The following CTSK variants were observed in gnomAD, a reference collection of about 807,000 sequenced individuals.
CTSK encodes cathepsin K, also known as cathepsin O.
In CTSK, 26 loss-of-function variants were observed where a neutral mutation model predicts 40.5. That is an observed-to-expected ratio of 0.64 (90% confidence interval 0.47 to 0.89). The LOEUF (loss-of-function observed/expected upper bound fraction) is 0.89, where lower values mean the gene tolerates loss of function less well. CTSK is among the 40% of genes least tolerant of loss of function. CTSK has a pLI of 0.00. For missense variants in CTSK, 292 were observed against 400.1 expected, an observed-to-expected ratio of 0.73 and a Z score of 2.30; for synonymous variants, 132 against 143.2, an observed-to-expected ratio of 0.92 and a Z score of 0.56.
intron 5 of CTSK, among the ~76,000 whole-genome samples, chr1:150,801,954 G>A (rs1382705661): frequency 4.6e-5 from 7 of 151,944 alleles, no homozygotes; most frequent in Admixed American, 2.6e-4. Flanking sequence ...TTTAAGAATC[G>A]CTAAGAAAGA....
chr1:150,806,237 T>C lies in CTSK; in HGVS notation c.121-13A>G. 1 of 1,613,668 alleles carries C rather than the reference T, an allele frequency of 6.2e-7. No homozygotes were observed. Among genetic ancestry groups the C allele is most frequent in the East Asian group, 2.2e-5 (1 of 44,896 alleles). On this transcript the variant is annotated splice_polypyrimidine_tract_variant and intron_variant, in intron 2 of 7. Transcript: ENST00000271651. ...AGATTTCATCCACCTAAACAAAGCA[T>C]AGTCAGTACTTGTATAGACTGTCTA... is the stretch of plus-strand genomic sequence containing the variant.
chr1:150,804,732 G>A (rs1277302405), intron 4 of CTSK, among the ~76,000 whole-genome samples: 1 of 152,072 alleles, frequency 6.6e-6, no homozygotes, highest in Non-Finnish European at 1.5e-5. Flanking sequence ...ATTTCCTGAG[G>A]ACACAGGTTG....
chr1:150,807,105 C>G (rs1298835495), intron 1 of CTSK: 1 of 448,068 alleles, frequency 2.2e-6, no homozygotes, highest in African/African-American at 2.0e-5. Flanking sequence ...CACACACACA[C>G]ACACACACAC....
Position 150,796,666 on chromosome 1 carries a change from G to T in CTSK, c.*133C>A, listed in dbSNP as rs1653881543. ...ATCATTTGAAGCACAAACAAATGGG[G>T]AAACTGAACAGACAATCTCAGTATC... On this transcript the variant is annotated 3_prime_UTR_variant, in exon 8 of 8. Transcript: ENST00000271651. 1.3e-6 allele frequency: 1 copy of T among 792,098 alleles called. No homozygotes were observed. The highest frequency in any genetic ancestry group is 1.7e-5 in the African/African-American group (1 of 59,432). The allele number at this position is 792,098 out of a possible 1,614,324, so 49.1% of individuals were successfully genotyped here. A position where few individuals can be genotyped will look rare whatever the true frequency, so the allele number is the denominator to read the frequency against.
chr1:150,797,619 G>A (rs995620087), intron 7 of CTSK, among the ~76,000 whole-genome samples: 4 of 152,070 alleles, frequency 2.6e-5, no homozygotes, highest in African/African-American at 9.7e-5. Context: ...AGGAGAGATT[G>A]TCTGTTTATC....
At chr1:150,799,309 A>G in intron 6 of CTSK, 36 bp from the exon 7 acceptor site, 6 of 1,479,924 alleles carry the variant, frequency 4.1e-6, no homozygotes, top group Non-Finnish European at 5.7e-6. Context: ...GCTCTATGCA[A>G]TCCAAGGGTC....
In CTSK at chr1:150,799,272, A is replaced by C; in HGVS notation, c.786T>G (p.Gly262=). ...TATTGCAGCTTTCATCATAATACAC[A>C]CCTAGAATACAAACTACCAGCGTGA... ...SLTSFQFYSK[G]VYYDESCNSD... is the part of the protein sequence containing the mutation. The change falls in exon 7 of 8, where the codon GGT becomes GGG. Residue 262 remains glycine, a splice_region_variant and synonymous_variant. Coordinates refer to ENST00000271651, the MANE Select transcript of CTSK (RefSeq NM_000396.4). 6.2e-7 allele frequency: 1 copy of C among 1,603,112 alleles called. No individual in the cohort carries two copies. Among genetic ancestry groups the C allele is most frequent in the Non-Finnish European group, 8.5e-7 (1 of 1,169,952 alleles).
At chr1:150,797,372 C>T (rs995960286) in intron 7 of CTSK, among the ~76,000 whole-genome samples, 1 of 152,102 alleles carries the variant, frequency 6.6e-6, no homozygotes, top group African/African-American at 2.4e-5. Flanking sequence ...GACCCATCAT[C>T]GTGAGGAGCC....
intron 4 of CTSK, among the ~76,000 whole-genome samples, chr1:150,805,238 GA>G (rs951787129): frequency 1.3e-3 from 173 of 137,370 alleles, no homozygotes; most frequent in African/African-American, 3.9e-3. Flanking sequence ...TGGGGGGGGG[GA>G]AAGGATTATT....
At position 150,806,180 on chromosome 1, in the gene CTSK, C is replaced by T. The variant is rs1234900477; in HGVS notation, c.165G>A (p.Lys55=). The change falls in exon 3 of 8, where the codon AAG becomes AAA. Residue 55 remains lysine (K), a synonymous_variant. Coordinates refer to ENST00000271651, the MANE Select transcript of CTSK (RefSeq NM_000396.4). ...CCTCAAGGTTATGGATGGAAATATA[C>T]TTCAGGTTTTTTTCCCAAATTAAAC... ...SRRLIWEKNL[K]YISIHNLEAS... is the part of the protein sequence containing the mutation. 2 of 1,614,146 alleles carry T rather than the reference C, an allele frequency of 1.2e-6. No homozygotes were observed. Among genetic ancestry groups the T allele is most frequent in the Non-Finnish European group, 1.7e-6 (2 of 1,180,012 alleles).
chr1:150,807,559 C>T, intron 1 of CTSK: 3 of 342,194 alleles, frequency 8.8e-6, no homozygotes, highest in Non-Finnish European at 1.7e-5. Flanking sequence ...GGACAAGAAG[C>T]CTCAGATCCA....
rs1176948763 is a variant in CTSK at position 150,807,076 on chromosome 1, T to TCACACACACACA, written c.-1-271_-1-270insTGTGTGTGTGTG. Among the ~76,000 whole-genome samples the TCACACACACACA allele has an allele frequency of 2.2e-4, 8 of 36,414 alleles. No homozygotes were observed. The East Asian group carries it at 2.3e-3, about 10-fold the overall frequency. The allele number at this position is 36,414 out of a possible 152,430, so 23.9% of individuals were successfully genotyped here. On this transcript the variant is annotated intron_variant, in intron 1 of 7. Coordinates refer to ENST00000271651, the MANE Select transcript of CTSK (RefSeq NM_000396.4). ...CTCTGTTTCTCTCTCTGTCTCTCTC[T>TCACACACACACA]CTCTCACACACACACACACACACAC...
chr1:150,806,134 A>G lies in CTSK; in HGVS notation c.211T>C (p.Tyr71His), dbSNP rs193045250. Residue 71 changes from tyrosine to histidine, a missense_variant, in exon 3 of 8, where the codon TAT (tyrosine) becomes CAT (histidine). Transcript: ENST00000271651. ...CCCAGGTGGTTCATAGCCAGTTCAT[A>G]TGTATGGACACCAAGAGAAGCCTCA... ...NLEASLGVHTYELAMNHLGDM... is the reference protein window; with the variant it reads ...NLEASLGVHTHELAMNHLGDM... The G allele has an allele frequency of 1.2e-6, 2 of 1,614,206 alleles. No homozygotes were observed. Among genetic ancestry groups the G allele is most frequent in the African/African-American group, 2.7e-5 (2 of 75,052 alleles).
intron 1 of CTSK, among the ~76,000 whole-genome samples, chr1:150,807,850 G>A (rs746240696): frequency 8.5e-5 from 13 of 152,146 alleles, no homozygotes; most frequent in Non-Finnish European, 1.3e-4. Context: ...CAGTGAACAG[G>A]AAGCACTGAG....
Position 150,803,901 on chromosome 1 carries a change from C to T in CTSK, c.618+120G>A, listed in dbSNP as rs1654037623. The T allele has an allele frequency of 9.6e-6, 9 of 933,732 alleles. No homozygotes were observed. In the Admixed American group the frequency reaches 1.7e-4, roughly 17 times the overall value. 57.8% of individuals were successfully genotyped at this position (933,732 alleles called of 1,614,324 possible). On this transcript the variant is annotated intron_variant, in intron 5 of 7. Coordinates refer to ENST00000271651, the MANE Select transcript of CTSK (RefSeq NM_000396.4). ...CTTGGCCTTCTGTGGGAAATTATTCCATCAAGAAAGCAGGATAGGATAACA... is the reference window on the plus strand; with the variant it reads ...CTTGGCCTTCTGTGGGAAATTATTCTATCAAGAAAGCAGGATAGGATAACA...
chr1:150,803,879 G>T, intron 5 of CTSK, 142 bp downstream of exon 5: 1 of 784,946 alleles, frequency 1.3e-6, no homozygotes, highest in Non-Finnish European at 2.2e-6. Context: ...AAATCTTCTT[G>T]GCCTTCTGTG....
At chr1:150,800,066 G>A (rs1029192596) in intron 5 of CTSK, among the ~76,000 whole-genome samples, 3 of 151,900 alleles carry the variant, frequency 2.0e-5, no homozygotes, top group African/African-American at 4.8e-5. Context: ...GCGTGGTAGC[G>A]GGCGCCTGTA....
intron 5 of CTSK, among the ~76,000 whole-genome samples, chr1:150,803,742 C>T (rs916146747): frequency 2.0e-5 from 3 of 152,142 alleles, no homozygotes; most frequent in African/African-American, 7.2e-5. Flanking sequence ...AGGAATTGAG[C>T]AGAGGGTTAT....
Position 150,796,662 on chromosome 1 carries a change from T to A in CTSK, c.*137A>T, listed in dbSNP as rs200285919. 2 of 785,966 alleles carry A rather than the reference T, an allele frequency of 2.5e-6. No individual in the cohort carries two copies. The highest frequency in any genetic ancestry group is 1.7e-5 in the Admixed American group (1 of 58,500). 48.7% of individuals were successfully genotyped at this position (785,966 alleles called of 1,614,324 possible). A position where few individuals can be genotyped will look rare whatever the true frequency, so the allele number is the denominator to read the frequency against. ...AAGGATCATTTGAAGCACAAACAAA[T>A]GGGGAAACTGAACAGACAATCTCAG... is the stretch of plus-strand genomic sequence containing the variant. On this transcript the variant is annotated 3_prime_UTR_variant, in exon 8 of 8. Coordinates refer to ENST00000271651, the MANE Select transcript of CTSK (RefSeq NM_000396.4).
Sources: allele counts gnomAD v4.1 joint callset (sites outside exome capture counted in the v4.1 genomes callset), GRCh38; gene constraint gnomAD v4.1.1; transcripts MANE v1.5; gene names NCBI Gene and HGNC (gene_info 2026-07-23, HGNC 2026-07-21).